The following DZIP3 variants were observed in gnomAD, a reference collection of about 807,000 sequenced individuals.
DZIP3 encodes the protein DAZ interacting zinc finger protein 3.
Under a neutral mutation model 162.0 loss-of-function variants are expected in DZIP3, and 118 were observed. That is an observed-to-expected ratio of 0.73 (90% CI 0.63 to 0.85). The LOEUF is 0.85. DZIP3 is among the 40% of genes least tolerant of loss of function. DZIP3 has a pLI of 0.00. For synonymous variants in DZIP3, 438 were observed against 458.6 expected, an observed-to-expected ratio of 0.96 and a Z score of 0.57; for missense variants, 1,331 against 1,407.0, an observed-to-expected ratio of 0.95 and a Z score of 0.86.
intron 3 of DZIP3, 46 bp from the exon 4 acceptor site, chr3:108,611,128 G>A (rs748061178): frequency 1.5e-5 from 23 of 1,503,602 alleles, no homozygotes; most frequent in Non-Finnish European, 8.9e-7. Flanking sequence ...AAGAGTGAAT[G>A]AGAATATGCA....
chr3:108,651,877 G>C (rs143986070), intron 18 of DZIP3, among the ~76,000 whole-genome samples: 77 of 151,870 alleles, frequency 5.1e-4, no homozygotes, highest in African/African-American at 1.8e-3. Flanking sequence ...AGGATATAAA[G>C]TAAGATATCT....
At chr3:108,613,220 A>T (rs1199880066) in intron 4 of DZIP3, among the ~76,000 whole-genome samples, 1 of 152,164 alleles carries the variant, frequency 6.6e-6, no homozygotes, top group Admixed American at 6.5e-5. Flanking sequence ...ATTAAAATCC[A>T]CAAATATCGC....
intron 25 of DZIP3, among the ~76,000 whole-genome samples, chr3:108,677,255 A>G (rs1462847062): frequency 6.6e-6 from 1 of 152,002 alleles, no homozygotes; most frequent in African/African-American, 2.4e-5. Context: ...AGAATCTGTG[A>G]ATTATCTGTG....
chr3:108,597,446 TTAAGTA>T (rs1939769431), intron 1 of DZIP3, among the ~76,000 whole-genome samples: 1 of 152,162 alleles, frequency 6.6e-6, no homozygotes, highest in Non-Finnish European at 1.5e-5. Context: ...GAATCCAGTG[TTAAGTA>T]TAAGTAGAGT....
At chr3:108,672,449 C>A in intron 22 of DZIP3, 111 bp from the exon 23 acceptor site, 1 of 892,852 alleles carries the variant, frequency 1.1e-6, no homozygotes, top group South Asian at 1.6e-5. Flanking sequence ...TATACTTTTC[C>A]AAGAAATAAT....
At chr3:108,669,301 A>C (rs116634632) in intron 21 of DZIP3, among the ~76,000 whole-genome samples, 2,110 of 152,082 alleles carry the variant, frequency 0.014, 53 homozygotes, top group African/African-American at 0.049. Context: ...TAAGGAACTT[A>C]AAGTTCTCAA....
At chr3:108,688,480 C>G (rs1465002654) in intron 29 of DZIP3, 113 bp from the exon 30 acceptor site, 1 of 1,195,882 alleles carries the variant, frequency 8.4e-7, no homozygotes, top group Non-Finnish European at 1.2e-6. Context: ...TCTCACAAAT[C>G]TGATTATTTA....
chr3:108,688,530 T>C (rs1246559040), intron 29 of DZIP3, 63 bp from the exon 30 acceptor site: 3 of 1,541,536 alleles, frequency 1.9e-6, no homozygotes, highest in East Asian at 2.2e-5. Context: ...TCTGTACTAA[T>C]GTTTCAGCTC....
Position 108,644,175 on chromosome 3 carries a change from A to G in DZIP3, c.1153A>G (p.Ile385Val), listed in dbSNP as rs1323202468. The G allele has an allele frequency of 1.3e-6, 2 of 1,591,452 alleles. No homozygotes were observed. Among genetic ancestry groups the G allele is most frequent in the Non-Finnish European group, 1.7e-6 (2 of 1,172,350 alleles). ...AAATTTATTTTCAGATGAAATGCCT[A>G]TCTTCAAGCTTGATTATAATTATTT... ...LKFNTKDEMP[I>V]FKLDYNYFYH... Residue 385 changes from isoleucine (I) to valine (V), a missense_variant, in exon 14 of 33, where the codon ATC (isoleucine) becomes GTC (valine). Around this residue, in one of 2 missense-constraint regions of DZIP3, gnomAD observed 1,278 missense variants for 1,317.1 expected, o/e 0.97. Coordinates refer to ENST00000361582, the MANE Select transcript of DZIP3 (RefSeq NM_014648.4).
chr3:108,681,100 G>A lies in DZIP3; in HGVS notation c.2884-3116G>A, dbSNP rs545671446. Reference sequence around the variant, plus strand: ...GCAACAAAAGCCAAAACTGACAAATGGGATCTAACTAAAGAGCTTCTGCAC... The same window carrying A: ...GCAACAAAAGCCAAAACTGACAAATAGGATCTAACTAAAGAGCTTCTGCAC... On this transcript the variant is annotated intron_variant, in intron 26 of 32. Transcript: ENST00000361582. 1.1e-4 allele frequency among the ~76,000 whole-genome samples: 17 copies of A among 152,246 alleles called. No individual in the cohort carries two copies. In the East Asian group the frequency reaches 2.1e-3, roughly 19 times the overall value.
chr3:108,626,045 A>C, intron 7 of DZIP3, 76 bp downstream of exon 7: 1 of 1,462,884 alleles, frequency 6.8e-7, no homozygotes, highest in Non-Finnish European at 9.2e-7. Flanking sequence ...TGTGCACAGT[A>C]TATCAGGCAT....
intron 21 of DZIP3, among the ~76,000 whole-genome samples, chr3:108,662,609 C>G (rs1559768680): frequency 6.6e-6 from 1 of 152,140 alleles, no homozygotes; most frequent in Non-Finnish European, 1.5e-5. Flanking sequence ...CTTAAAGACA[C>G]CAAGGAATCA....
At chr3:108,643,396 A>G (rs1942481915) in intron 13 of DZIP3, among the ~76,000 whole-genome samples, 1 of 152,078 alleles carries the variant, frequency 6.6e-6, no homozygotes, top group African/African-American at 2.4e-5. Flanking sequence ...GAGGTTTATT[A>G]GATCACAGTT....
chr3:108,624,462 G>T lies in DZIP3; in HGVS notation c.394G>T (p.Gly132Cys), dbSNP rs775174364. 5.0e-6 allele frequency: 8 copies of T among 1,592,872 alleles called. No individual in the cohort carries two copies. The African/African-American group carries it at 5.4e-5, about 11-fold the overall frequency. ...GNYTAHQINI[G>C]YYLTLLFLYG... ...TTTGTAGGCACACCAGATTAATATT[G>T]GTTATTATTTGACATTACTGTTTTT... Residue 132 changes from glycine (G) to cysteine (C), a missense_variant, in exon 6 of 33, where the codon GGT (glycine) becomes TGT (cysteine). Around this residue, in one of 2 missense-constraint regions of DZIP3, gnomAD observed 1,278 missense variants for 1,317.1 expected, o/e 0.97. Coordinates refer to ENST00000361582, the MANE Select transcript of DZIP3 (RefSeq NM_014648.4).
intron 10 of DZIP3, 83 bp from the exon 11 acceptor site, chr3:108,636,533 C>A: frequency 1.1e-6 from 1 of 918,352 alleles, no homozygotes; most frequent in Non-Finnish European, 1.6e-6. Context: ...ACATTTGCTT[C>A]TAACTACATT....
In DZIP3 at chr3:108,686,687, A is replaced by T; in HGVS notation, c.3149+103A>T. On this transcript the variant is annotated intron_variant, in intron 28 of 32. Transcript: ENST00000361582. ...TTTCAGAGAAACATAACAAACACAA[A>T]AAAAGTACAGATGTTTCCTTACCTT... 2.3e-6 allele frequency: 3 copies of T among 1,310,796 alleles called. No homozygotes were observed. In the South Asian group the frequency reaches 6.8e-5, roughly 30 times the overall value. The allele number at this position is 1,310,796 out of a possible 1,614,324, so 81.2% of individuals were successfully genotyped here.
chr3:108,592,035 A>G lies in DZIP3; in HGVS notation c.-73+2196A>G, dbSNP rs114679362. On this transcript the variant is annotated intron_variant, in intron 1 of 32. Coordinates refer to ENST00000361582, the MANE Select transcript of DZIP3 (RefSeq NM_014648.4). ...GGTCCCAATGACCAAAGGCCTTATT[A>G]GCCTTAAACTTGGACTCCATCTTGA... Among the ~76,000 whole-genome samples the G allele has an allele frequency of 6.6e-3, 1,008 of 151,680 alleles. 11 individuals are homozygous for G. The highest frequency in any genetic ancestry group is 0.023 in the African/African-American group (964 of 41,350).
intron 4 of DZIP3, among the ~76,000 whole-genome samples, chr3:108,611,802 T>G (rs1940719452): frequency 6.6e-6 from 1 of 152,032 alleles, no homozygotes; most frequent in Non-Finnish European, 1.5e-5. Flanking sequence ...TGGTCTCTAC[T>G]AAAAATACAA....
At chr3:108,633,093 C>T in intron 9 of DZIP3, 21 bp downstream of exon 9, 1 of 1,308,078 alleles carries the variant, frequency 7.6e-7, no homozygotes, top group Non-Finnish European at 9.9e-7. Flanking sequence ...TGTCAATTAA[C>T]AGTATTTTTA....
Sources: allele counts gnomAD v4.1 joint callset (sites outside exome capture counted in the v4.1 genomes callset), GRCh38; gene constraint gnomAD v4.1.1; regional missense constraint gnomAD v4.1.1; transcripts MANE v1.5; gene names NCBI Gene and HGNC (gene_info 2026-07-23, HGNC 2026-07-21).